ABHD3: variants seen among roughly 807,000 people sequenced by gnomAD.
ABHD3 encodes the protein abhydrolase domain containing 3, phospholipase.
ABHD3 carries 46 observed loss-of-function variants against 48.8 expected under a neutral mutation model. That is an observed-to-expected ratio of 0.94 (90% CI 0.74 to 1.20). The LOEUF is 1.20. ABHD3 is among the 50% of genes most tolerant of loss of function. ABHD3 has a pLI of 0.00. For missense variants in ABHD3, 490 were observed against 497.8 expected, an observed-to-expected ratio of 0.98 and a Z score of 0.15; for synonymous variants, 192 against 183.7, an observed-to-expected ratio of 1.04 and a Z score of -0.36.
intron 5 of ABHD3, chr18:21,663,729 A>T (rs2039554657): frequency 6.5e-7 from 1 of 1,535,488 alleles, no homozygotes; most frequent in African/African-American, 1.4e-5. Flanking sequence ...GCAATAAGTG[A>T]TTATTTCTGT....
At chr18:21,663,980 G>T (rs1357609711) in intron 5 of ABHD3, 138 bp downstream of exon 5, 69 of 1,426,068 alleles carry the variant, frequency 4.8e-5, no homozygotes, top group Admixed American at 6.2e-5. Flanking sequence ...TCAATCAACC[G>T]CATTTAATAA....
chr18:21,703,808 A>T, intron 1 of ABHD3, 61 bp from the exon 2 acceptor site: 3 of 1,570,518 alleles, frequency 1.9e-6, no homozygotes, highest in Non-Finnish European at 1.7e-6. Context: ...ACCGTAAACC[A>T]GAAACCGGCA....
chr18:21,684,914 G>C (rs183470369), intron 3 of ABHD3, among the ~76,000 whole-genome samples: 1 of 152,282 alleles, frequency 6.6e-6, no homozygotes, highest in African/African-American at 2.4e-5. Flanking sequence ...TGGGTAAATG[G>C]GCTCAGATCA....
intron 3 of ABHD3, among the ~76,000 whole-genome samples, chr18:21,692,385 G>T (rs2040271851): frequency 6.6e-6 from 1 of 152,134 alleles, no homozygotes; most frequent in East Asian, 1.9e-4. Context: ...TACTAAGTAG[G>T]ATAACCTATA....
At chr18:21,688,404 AC>A (rs2040174778) in intron 3 of ABHD3, among the ~76,000 whole-genome samples, 1 of 152,222 alleles carries the variant, frequency 6.6e-6, no homozygotes, top group Non-Finnish European at 1.5e-5. Context: ...AACAACAGAT[AC>A]TGTTTACTAG....
At chr18:21,695,216 G>T (rs1341900930) in intron 3 of ABHD3, among the ~76,000 whole-genome samples, 1 of 152,170 alleles carries the variant, frequency 6.6e-6, no homozygotes, top group Non-Finnish European at 1.5e-5. Flanking sequence ...TTTTAGTAGA[G>T]ATGGGGTTTC....
intron 8 of ABHD3, among the ~76,000 whole-genome samples, chr18:21,656,038 C>T (rs1031232794): frequency 7.2e-5 from 11 of 151,924 alleles, no homozygotes; most frequent in African/African-American, 2.7e-4. Context: ...TGCCTGTAAT[C>T]CCAGCTACTT....
intron 5 of ABHD3, among the ~76,000 whole-genome samples, chr18:21,662,622 G>A (rs553819351): frequency 1.6e-4 from 24 of 152,208 alleles, no homozygotes; most frequent in Non-Finnish European, 2.4e-4. Context: ...CTGTTTTTGC[G>A]TGTTGCATCT....
At chr18:21,692,155 G>A (rs550230352) in intron 3 of ABHD3, among the ~76,000 whole-genome samples, 2 of 152,106 alleles carry the variant, frequency 1.3e-5, no homozygotes, top group South Asian at 2.1e-4. Context: ...TCACCATGTC[G>A]GCCAGGCTGG....
intron 2 of ABHD3, among the ~76,000 whole-genome samples, chr18:21,703,134 A>G (rs2040548808): frequency 6.6e-6 from 1 of 151,932 alleles, no homozygotes; most frequent in Non-Finnish European, 1.5e-5. Context: ...ATTATCATCA[A>G]GATCCCATTT....
In ABHD3 at chr18:21,656,843, C is replaced by A; in HGVS notation, c.1057+18G>T. On this transcript the variant is annotated intron_variant, in intron 8 of 8. Coordinates refer to ENST00000289119, the MANE Select transcript of ABHD3 (RefSeq NM_138340.5). ...AAGTTGATTCATGTCAAAATATATA[C>A]AAATATGTTAATTTTACCATGACTG... The A allele has an allele frequency of 1.3e-6, 2 of 1,561,854 alleles. No homozygotes were observed. Among genetic ancestry groups the A allele is most frequent in the Admixed American group, 1.9e-5 (1 of 52,632 alleles).
intron 4 of ABHD3, among the ~76,000 whole-genome samples, chr18:21,668,894 T>C (rs577712236): frequency 6.6e-6 from 1 of 152,256 alleles, no homozygotes; most frequent in Admixed American, 6.5e-5. Flanking sequence ...TAGCCCCAGC[T>C]GTGCTACACT....
At position 21,651,472 on chromosome 18, in the gene ABHD3, G is replaced by T; in HGVS notation, c.*119C>A. 8.6e-7 allele frequency: 1 copy of T among 1,162,530 alleles called. No homozygotes were observed. The highest frequency in any genetic ancestry group is 1.2e-6 in the Non-Finnish European group (1 of 832,788). 72.0% of individuals were successfully genotyped at this position (1,162,530 alleles called of 1,614,324 possible). ...AAAAGTAGTTTTTGCATATCATTCTGGACCTCTTCACCCATCTGCTGGCTT... is the reference window on the plus strand; with the variant it reads ...AAAAGTAGTTTTTGCATATCATTCTTGACCTCTTCACCCATCTGCTGGCTT... On this transcript the variant is annotated 3_prime_UTR_variant, in exon 9 of 9. Coordinates refer to ENST00000289119, the MANE Select transcript of ABHD3 (RefSeq NM_138340.5).
At chr18:21,676,454 G>T (rs944865810) in intron 4 of ABHD3, among the ~76,000 whole-genome samples, 1 of 152,146 alleles carries the variant, frequency 6.6e-6, no homozygotes, top group Non-Finnish European at 1.5e-5. Flanking sequence ...ACAGTGGTGT[G>T]ATCTTGGCTC....
chr18:21,698,757 T>G (rs570312992), intron 3 of ABHD3, among the ~76,000 whole-genome samples: 7 of 151,598 alleles, frequency 4.6e-5, no homozygotes, highest in Non-Finnish European at 1.0e-4. Flanking sequence ...TTCTCTGTAT[T>G]TTTAGTGTAG....
chr18:21,692,104 C>T (rs2040264903), intron 3 of ABHD3, among the ~76,000 whole-genome samples: 1 of 152,160 alleles, frequency 6.6e-6, no homozygotes, highest in Non-Finnish European at 1.5e-5. Context: ...CGTCCACCAC[C>T]ACACTCGGCT....
chr18:21,662,405 C>T (rs547849539), intron 5 of ABHD3: 3 of 152,320 alleles, frequency 2.0e-5, no homozygotes, highest in African/African-American at 7.2e-5. Flanking sequence ...CCACACCTGG[C>T]CCACCTTTTA....
In ABHD3 at chr18:21,683,972, A is replaced by C. The variant is rs759891336; in HGVS notation, c.510-7T>G. 3 of 1,592,704 alleles carry C rather than the reference A, an allele frequency of 1.9e-6. No individual in the cohort carries two copies. In the South Asian group the frequency reaches 3.4e-5, roughly 18 times the overall value. On this transcript the variant is annotated splice_polypyrimidine_tract_variant and splice_region_variant and intron_variant, in intron 3 of 8. Transcript: ENST00000289119. Reference sequence around the variant, plus strand: ...GTTGTTAAAAACCACACATCTAAAAACCAGGAAAGCAATTTTTGTTATTTT... The same window carrying C: ...GTTGTTAAAAACCACACATCTAAAACCCAGGAAAGCAATTTTTGTTATTTT...
At chr18:21,686,885 T>C (rs1419823139) in intron 3 of ABHD3, among the ~76,000 whole-genome samples, 2 of 152,206 alleles carry the variant, frequency 1.3e-5, no homozygotes, top group Non-Finnish European at 1.5e-5. Context: ...GTGAAACTAC[T>C]ATTCCTAAGG....
Sources: gnomAD v4.1 joint callset for allele counts (sites outside exome capture counted in the v4.1 genomes callset) on GRCh38, gnomAD v4.1.1 for gene constraint, MANE v1.5 for transcripts, NCBI Gene and HGNC (gene_info 2026-07-23, HGNC 2026-07-21) for gene names.